The following NXPH2 variants were observed in gnomAD, a reference collection of about 807,000 sequenced individuals.
NXPH2 encodes neurexophilin-2.
NXPH2 carries 5 observed loss-of-function variants against 19.8 expected under a neutral mutation model. The ratio of observed to expected loss-of-function variants is 0.25; its 90% CI spans 0.13 to 0.53. The LOEUF is 0.53. NXPH2 is among the 20% of genes least tolerant of loss of function. NXPH2 has a pLI of 0.96. For synonymous variants in NXPH2, 154 were observed against 127.4 expected (o/e 1.21, Z -1.41); for missense variants, 289 against 322.8 (o/e 0.90, Z 0.80).
intron 1 of NXPH2, among the ~76,000 whole-genome samples, chr2:138,673,008 G>A (rs931686500): frequency 6.6e-6 from 1 of 152,176 alleles, no homozygotes; most frequent in Non-Finnish European, 1.5e-5. Flanking sequence ...ATCACTTTAA[G>A]AATTCAAGGA....
chr2:138,743,842 A>C (rs981016692), intron 1 of NXPH2, among the ~76,000 whole-genome samples: 1 of 152,000 alleles, frequency 6.6e-6, no homozygotes, highest in African/African-American at 2.4e-5. Context: ...ATCTCTATTA[A>C]AAGTACAAAA....
chr2:138,768,890 T>C (rs1682132167), intron 1 of NXPH2, among the ~76,000 whole-genome samples: 1 of 152,222 alleles, frequency 6.6e-6, no homozygotes, highest in African/African-American at 2.4e-5. Context: ...TTTATTAGCT[T>C]GTCCAAGATG....
intron 1 of NXPH2, among the ~76,000 whole-genome samples, chr2:138,764,286 G>A (rs938046886): frequency 6.6e-6 from 1 of 152,164 alleles, no homozygotes; most frequent in Non-Finnish European, 1.5e-5. Context: ...GGATACTTAA[G>A]AGAAAATCTG....
At chr2:138,678,207 T>G (rs1405238383) in intron 1 of NXPH2, among the ~76,000 whole-genome samples, 1 of 152,198 alleles carries the variant, frequency 6.6e-6, no homozygotes, top group Non-Finnish European at 1.5e-5. Context: ...CCTTCAATTT[T>G]GCTTTATTCT....
chr2:138,764,130 T>TAAC (rs1190643224), intron 1 of NXPH2, among the ~76,000 whole-genome samples: 1 of 152,086 alleles, frequency 6.6e-6, no homozygotes, highest in African/African-American at 2.4e-5. Context: ...GAGAAACACT[T>TAAC]AACATACCTT....
chr2:138,726,339 C>T (rs1240955577), intron 1 of NXPH2, among the ~76,000 whole-genome samples: 3 of 152,096 alleles, frequency 2.0e-5, no homozygotes, highest in African/African-American at 7.2e-5. Context: ...GCCACCAGGT[C>T]GGCCTGCCAA....
intron 1 of NXPH2, among the ~76,000 whole-genome samples, chr2:138,759,605 C>T (rs940779951): frequency 6.6e-6 from 1 of 151,826 alleles, no homozygotes; most frequent in South Asian, 2.1e-4. Flanking sequence ...AAATAATGCT[C>T]AGCAAATTTC....
chr2:138,698,483 A>G (rs1361943547), intron 1 of NXPH2, among the ~76,000 whole-genome samples: 1 of 152,214 alleles, frequency 6.6e-6, no homozygotes, highest in Non-Finnish European at 1.5e-5. Flanking sequence ...GTAGAAATTT[A>G]ATAACGTCTT....
At chr2:138,766,055 G>T (rs1191519339) in intron 1 of NXPH2, among the ~76,000 whole-genome samples, 1 of 152,178 alleles carries the variant, frequency 6.6e-6, no homozygotes, top group Non-Finnish European at 1.5e-5. Context: ...AGGAAATCTT[G>T]TCCAGGCAAG....
intron 1 of NXPH2, among the ~76,000 whole-genome samples, chr2:138,679,447 C>T (rs1023992704): frequency 2.0e-5 from 3 of 147,344 alleles, no homozygotes; most frequent in Admixed American, 1.4e-4. Context: ...GTTGCTCAGG[C>T]TGGAGTGCAG....
chr2:138,695,315 G>A (rs1680814270), intron 1 of NXPH2, among the ~76,000 whole-genome samples: 2 of 152,138 alleles, frequency 1.3e-5, no homozygotes. Flanking sequence ...ACTGTTCATG[G>A]TAGCAACATA....
chr2:138,699,112 T>A (rs934753003), intron 1 of NXPH2, among the ~76,000 whole-genome samples: 1 of 152,182 alleles, frequency 6.6e-6, no homozygotes, highest in Non-Finnish European at 1.5e-5. Context: ...AACATATATA[T>A]ACACATACAC....
At chr2:138,696,263 A>G (rs375678083) in intron 1 of NXPH2, among the ~76,000 whole-genome samples, 3 of 152,150 alleles carry the variant, frequency 2.0e-5, no homozygotes, top group Non-Finnish European at 2.9e-5. Flanking sequence ...ATGTTCTGGT[A>G]TACAGAAATA....
intron 1 of NXPH2, among the ~76,000 whole-genome samples, chr2:138,694,674 A>G (rs1285741036): frequency 1.3e-5 from 2 of 152,172 alleles, no homozygotes; most frequent in Admixed American, 6.6e-5. Flanking sequence ...TGTGGTTTGT[A>G]GTATAGATGG....
At chr2:138,680,338 T>C (rs1445324686) in intron 1 of NXPH2, among the ~76,000 whole-genome samples, 2 of 152,168 alleles carry the variant, frequency 1.3e-5, no homozygotes, top group African/African-American at 4.8e-5. Context: ...TAGGAATACT[T>C]GTAAGGAGGT....
chr2:138,713,790 C>T (rs1321792381), intron 1 of NXPH2, among the ~76,000 whole-genome samples: 3 of 152,112 alleles, frequency 2.0e-5, no homozygotes, highest in African/African-American at 4.8e-5. Context: ...CAAATCACAA[C>T]GTACTCATCA....
At chr2:138,716,573 C>A (rs527586317) in intron 1 of NXPH2, among the ~76,000 whole-genome samples, 24 of 152,202 alleles carry the variant, frequency 1.6e-4, no homozygotes, top group Admixed American at 5.2e-4. Flanking sequence ...TGTTTAAGCC[C>A]GTCAGTTTGT....
intron 1 of NXPH2, among the ~76,000 whole-genome samples, chr2:138,678,622 T>G (rs1680522493): frequency 6.6e-6 from 1 of 152,218 alleles, no homozygotes; most frequent in South Asian, 2.1e-4. Context: ...ATTTTACATG[T>G]TGTTAATGTG....
intron 1 of NXPH2, among the ~76,000 whole-genome samples, chr2:138,702,730 C>T (rs890029806): frequency 2.0e-5 from 3 of 152,058 alleles, no homozygotes; most frequent in South Asian, 2.1e-4. Context: ...TTGCTGCCTC[C>T]GTCTACATTG....
Sources: gnomAD v4.1 joint callset for allele counts (sites outside exome capture counted in the v4.1 genomes callset) on GRCh38, gnomAD v4.1.1 for gene constraint, MANE v1.5 for transcripts, NCBI Gene and HGNC (gene_info 2026-07-23, HGNC 2026-07-21) for gene names.